Variants in ADGRV1 observed in about 807,000 individuals in gnomAD.
ADGRV1 encodes G-protein coupled receptor 98.
In ADGRV1, 359 loss-of-function variants were observed where a neutral mutation model predicts 596.2. That is an observed-to-expected ratio of 0.60 (90% confidence interval 0.55 to 0.66). ADGRV1 has a LOEUF of 0.66. Ranked by LOEUF, ADGRV1 falls within the 30% of genes least tolerant of loss-of-function variation. The probability of loss-of-function intolerance (pLI) is 0.00; values close to 1 mark genes in which losing one functional copy is unlikely to be tolerated. For synonymous variants in ADGRV1, 2,681 were observed against 2,679.2 expected (o/e 1.00, Z -0.02); for missense variants, 7,274 against 7,575.6 (o/e 0.96, Z 1.48).
At chr5:90,979,237 C>T (rs911246753) in intron 84 of ADGRV1, among the ~76,000 whole-genome samples, 2 of 151,336 alleles carry the variant, frequency 1.3e-5, no homozygotes, top group Non-Finnish European at 2.9e-5. Context: ...GGCGCAGTCT[C>T]GGCTCACTGC....
At chr5:90,596,683 C>T (rs184365744) in intron 1 of ADGRV1, among the ~76,000 whole-genome samples, 4,588 of 152,174 alleles carry the variant, frequency 0.03, 215 homozygotes, top group African/African-American at 0.1. Context: ...GCAGGCACTC[C>T]GCAGGCTGAG....
At chr5:90,626,037 G>A (rs1011143218) in intron 6 of ADGRV1, 5 of 152,136 alleles carry the variant, frequency 3.3e-5, no homozygotes, top group African/African-American at 9.7e-5. Flanking sequence ...TAATGTGCAA[G>A]GATGTCCCCC....
rs563155350 is a variant in ADGRV1, at chr5:90,913,039, G to C, written c.17856+49182G>C. On this transcript the variant is annotated intron_variant, in intron 83 of 89. Transcript: ENST00000405460. ...CAAGACTAGGCAAACATTTTAACTTGTAAGTAGTAAGTTTCTCATTATTAA... is the reference window on the plus strand; with the variant it reads ...CAAGACTAGGCAAACATTTTAACTTCTAAGTAGTAAGTTTCTCATTATTAA... Among the ~76,000 whole-genome samples the C allele has an allele frequency of 4.6e-5, 7 of 152,246 alleles. 1 individual carries two copies. The South Asian group carries it at 8.3e-4, about 18-fold the overall frequency.
intron 21 of ADGRV1, among the ~76,000 whole-genome samples, chr5:90,665,953 G>A (rs1771286041): frequency 6.7e-6 from 1 of 149,674 alleles, no homozygotes; most frequent in African/African-American, 2.5e-5. Context: ...CTGAGTTCTA[G>A]TTTGATTGCA....
chr5:91,088,172 T>C (rs1309242100), intron 86 of ADGRV1, among the ~76,000 whole-genome samples: 1 of 152,222 alleles, frequency 6.6e-6, no homozygotes, highest in Non-Finnish European at 1.5e-5. Context: ...TGTACAATTT[T>C]ATAGAGACTG....
At chr5:90,671,102 A>C (rs967165312) in intron 21 of ADGRV1, among the ~76,000 whole-genome samples, 4 of 152,210 alleles carry the variant, frequency 2.6e-5, no homozygotes, top group Non-Finnish European at 4.4e-5. Flanking sequence ...GTGCTGGCTT[A>C]AGGACAGCTT....
rs112299889 is a variant in ADGRV1 at position 90,851,171 on chromosome 5, G to C, written c.17205-2113G>C. On this transcript the variant is annotated intron_variant, in intron 79 of 89. Transcript: ENST00000405460. ...AGAGAGAGAGAGAGAGAGAGAGAATGAATCTGACTTTGGATTTTAGAGACA... is the reference window on the plus strand; with the variant it reads ...AGAGAGAGAGAGAGAGAGAGAGAATCAATCTGACTTTGGATTTTAGAGACA... Among the ~76,000 whole-genome samples the C allele has an allele frequency of 4.8e-3, 703 of 147,658 alleles. 10 individuals are homozygous for C. The highest frequency in any genetic ancestry group is 0.017 in the African/African-American group (666 of 39,876).
At chr5:91,023,273 A>G (rs1056050373) in intron 85 of ADGRV1, among the ~76,000 whole-genome samples, 1 of 151,322 alleles carries the variant, frequency 6.6e-6, no homozygotes, top group Non-Finnish European at 1.5e-5. Flanking sequence ...TACAAGTGCT[A>G]TGTACTTGGA....
At chr5:91,103,420 A>G (rs1476390347) in intron 87 of ADGRV1, among the ~76,000 whole-genome samples, 1 of 150,524 alleles carries the variant, frequency 6.6e-6, no homozygotes, top group Non-Finnish European at 1.5e-5. Flanking sequence ...AGAATCTAGT[A>G]TGGCAGGTGC....
At chr5:90,870,220 A>G (rs1768532373) in intron 83 of ADGRV1, among the ~76,000 whole-genome samples, 1 of 152,188 alleles carries the variant, frequency 6.6e-6, no homozygotes, top group Non-Finnish European at 1.5e-5. Context: ...TAATGTCATT[A>G]AGGGCTGGGC....
At chr5:90,975,619 C>T (rs992805370) in intron 84 of ADGRV1, among the ~76,000 whole-genome samples, 26 of 152,062 alleles carry the variant, frequency 1.7e-4, no homozygotes, top group African/African-American at 4.8e-4. Context: ...AACCAAACAC[C>T]GCATGTTCTC....
chr5:90,624,951 A>C (rs537916520), intron 5 of ADGRV1, among the ~76,000 whole-genome samples, 179 bp from the exon 6 acceptor site: 1 of 152,332 alleles, frequency 6.6e-6, no homozygotes, highest in Admixed American at 6.5e-5. Flanking sequence ...GTTATAGTCA[A>C]TATCTATAAT....
chr5:91,001,665 A>G (rs1434600946), intron 85 of ADGRV1, among the ~76,000 whole-genome samples: 1 of 152,102 alleles, frequency 6.6e-6, no homozygotes, highest in Non-Finnish European at 1.5e-5. Context: ...ACGCTTTGTG[A>G]TTTATGTTTT....
At chr5:90,874,886 G>C (rs1211332013) in intron 83 of ADGRV1, among the ~76,000 whole-genome samples, 1 of 151,926 alleles carries the variant, frequency 6.6e-6, no homozygotes, top group African/African-American at 2.4e-5. Flanking sequence ...AAACAACCTG[G>C]TTAAATAAGA....
intron 43 of ADGRV1, 94 bp from the exon 44 acceptor site, chr5:90,719,954 T>A (rs754784541): frequency 1.4e-5 from 13 of 907,394 alleles, no homozygotes; most frequent in Non-Finnish European, 2.1e-5. Flanking sequence ...CAAAACATGC[T>A]ATTTTGTTGT....
At chr5:90,560,571 A>G (rs564031110) in intron 1 of ADGRV1, among the ~76,000 whole-genome samples, 15 of 152,216 alleles carry the variant, frequency 9.9e-5, no homozygotes, top group South Asian at 4.1e-4. Context: ...GACCTATACT[A>G]TACTGAATGG....
chr5:90,570,667 ATGT>A (rs1756403198), intron 1 of ADGRV1, among the ~76,000 whole-genome samples: 1 of 150,948 alleles, frequency 6.6e-6, no homozygotes, highest in South Asian at 2.1e-4. Flanking sequence ...AGTTACTTTC[ATGT>A]TCACTGATTC....
intron 1 of ADGRV1, among the ~76,000 whole-genome samples, chr5:90,580,734 T>C (rs1757916026): frequency 1.3e-5 from 2 of 152,158 alleles, no homozygotes; most frequent in African/African-American, 2.4e-5. Context: ...ATTTCATCCT[T>C]GGTGAATCTG....
At chr5:90,931,663 A>G (rs993258604) in intron 83 of ADGRV1, among the ~76,000 whole-genome samples, 5 of 152,246 alleles carry the variant, frequency 3.3e-5, no homozygotes, top group Non-Finnish European at 1.5e-5. Flanking sequence ...GCATAATTCA[A>G]CAAACATTTT....
Sources: allele counts gnomAD v4.1 joint callset (sites outside exome capture counted in the v4.1 genomes callset), GRCh38; gene constraint gnomAD v4.1.1; transcripts MANE v1.5; gene names NCBI Gene and HGNC (gene_info 2026-07-23, HGNC 2026-07-21).